Variants in MED1 observed in about 807,000 individuals in gnomAD.
MED1 encodes the protein mediator complex subunit 1.
In MED1, 17 loss-of-function variants were observed where a neutral mutation model predicts 121.3. The ratio of observed to expected loss-of-function variants is 0.14; its 90% CI spans 0.10 to 0.21. The LOEUF is 0.21. Ranked by LOEUF, MED1 falls within the 10% of genes least tolerant of loss-of-function variation. MED1 has a pLI of 1.00. For synonymous variants in MED1, 661 were observed against 694.4 expected, an observed-to-expected ratio of 0.95 and a Z score of 0.76; for missense variants, 1,558 against 1,919.4, an observed-to-expected ratio of 0.81 and a Z score of 3.52.
chr17:39,419,326 T>C (rs2048439333), intron 14 of MED1, among the ~76,000 whole-genome samples: 1 of 152,132 alleles, frequency 6.6e-6, no homozygotes, highest in Non-Finnish European at 1.5e-5. Flanking sequence ...TTTGCCCACC[T>C]TGGCCTCCCA....
chr17:39,449,583 G>C (rs994894070), intron 1 of MED1, among the ~76,000 whole-genome samples: 1 of 149,308 alleles, frequency 6.7e-6, no homozygotes, highest in Non-Finnish European at 1.5e-5. Flanking sequence ...CACTATCTTG[G>C]CTCACTGCAA....
intron 7 of MED1, among the ~76,000 whole-genome samples, chr17:39,432,806 T>G (rs1483097609): frequency 1.3e-5 from 2 of 151,330 alleles, no homozygotes; most frequent in Non-Finnish European, 2.9e-5. Context: ...GGCTCACGCC[T>G]GTAATCCCAA....
intron 9 of MED1, among the ~76,000 whole-genome samples, chr17:39,430,692 T>TAA (rs57515877): frequency 6.8e-5 from 8 of 116,890 alleles, no homozygotes; most frequent in African/African-American, 1.6e-4. Context: ...GACTCCGTCT[T>TAA]AAAAAAAAAA....
At chr17:39,437,177 C>T (rs2048627772) in intron 6 of MED1, among the ~76,000 whole-genome samples, 1 of 152,182 alleles carries the variant, frequency 6.6e-6, no homozygotes, top group African/African-American at 2.4e-5. Flanking sequence ...GGTGATCCGC[C>T]TGCCTCGGCT....
intron 13 of MED1, 73 bp downstream of exon 13, chr17:39,423,254 G>T: frequency 9.1e-7 from 1 of 1,096,374 alleles, no homozygotes; most frequent in Non-Finnish European, 1.4e-6. Context: ...CCTCAATAAT[G>T]CTATAAAGGA....
chr17:39,439,145 T>C lies in MED1; in HGVS notation c.428+20A>G. On this transcript the variant is annotated intron_variant, in intron 6 of 16. Coordinates refer to ENST00000300651, the MANE Select transcript of MED1 (RefSeq NM_004774.4). ...AGCACTGTCTGTCAATATCAAGGAATATAAATCGTATTTGCTCACCTTAGC... is the reference window on the plus strand; with the variant it reads ...AGCACTGTCTGTCAATATCAAGGAACATAAATCGTATTTGCTCACCTTAGC... 1 of 1,590,754 alleles carries C rather than the reference T, an allele frequency of 6.3e-7. No individual in the cohort carries two copies. Among genetic ancestry groups the C allele is most frequent in the Non-Finnish European group, 8.5e-7 (1 of 1,173,224 alleles).
At chr17:39,443,060 G>C in intron 3 of MED1, among the ~76,000 whole-genome samples, 1 of 126,790 alleles carries the variant, frequency 7.9e-6, no homozygotes, top group Non-Finnish European at 1.6e-5. Context: ...GGAGTGTAAT[G>C]GCGTGATTTT....
At chr17:39,429,715 A>AAT (rs1238619204) in intron 9 of MED1, among the ~76,000 whole-genome samples, 3 of 150,350 alleles carry the variant, frequency 2.0e-5, no homozygotes, top group African/African-American at 7.3e-5. Context: ...AAAAAAAAAA[A>AAT]AAAAAAAAAA....
intron 6 of MED1, among the ~76,000 whole-genome samples, chr17:39,434,621 C>T (rs569980121): frequency 6.6e-6 from 1 of 152,280 alleles, no homozygotes; most frequent in South Asian, 2.1e-4. Context: ...AGCAATGAAA[C>T]CTGATTTAAA....
intron 10 of MED1, among the ~76,000 whole-genome samples, chr17:39,425,415 A>C (rs2048505826): frequency 6.6e-6 from 1 of 152,106 alleles, no homozygotes; most frequent in Non-Finnish European, 1.5e-5. Context: ...GCTGGTCTCA[A>C]ACTCCTGGCC....
chr17:39,411,642 G>A (rs1032451411), intron 16 of MED1, among the ~76,000 whole-genome samples: 4 of 151,466 alleles, frequency 2.6e-5, no homozygotes, highest in Non-Finnish European at 4.4e-5. Flanking sequence ...AGAAAATGTC[G>A]TCCTCTGGGG....
At position 39,443,037 on chromosome 17, in the gene MED1, T is replaced by A. The variant is rs2048694738; in HGVS notation, c.211+513A>T. On this transcript the variant is annotated intron_variant, in intron 3 of 16. Coordinates refer to ENST00000300651, the MANE Select transcript of MED1 (RefSeq NM_004774.4). ...TTTTTTTTTGAGACAAGTCTTGCCCTGTTGCCCAGGCTGGAGTGTAATGGC... is the reference window on the plus strand; with the variant it reads ...TTTTTTTTTGAGACAAGTCTTGCCCAGTTGCCCAGGCTGGAGTGTAATGGC... Among the ~76,000 whole-genome samples, 3 of 127,142 alleles carry A rather than the reference T, an allele frequency of 2.4e-5. No homozygotes were observed. The South Asian group carries it at 7.7e-4, about 33-fold the overall frequency. The allele number at this position is 127,142 out of a possible 152,430, so 83.4% of individuals were successfully genotyped here.
chr17:39,432,672 T>G (rs2048576539), intron 7 of MED1, among the ~76,000 whole-genome samples: 2 of 151,502 alleles, frequency 1.3e-5, no homozygotes, highest in South Asian at 4.2e-4. Context: ...GAGAATTGCT[T>G]GAACCCGGGA....
chr17:39,417,788 T>C (rs2048423820), intron 14 of MED1, among the ~76,000 whole-genome samples: 1 of 152,058 alleles, frequency 6.6e-6, no homozygotes, highest in Admixed American at 6.6e-5. Context: ...CAGCCAAAAT[T>C]TACAGCAAAG....
intron 7 of MED1, among the ~76,000 whole-genome samples, chr17:39,433,308 G>A (rs901064025): frequency 5.9e-5 from 9 of 151,674 alleles, no homozygotes; most frequent in African/African-American, 2.2e-4. Flanking sequence ...GGTGGAGGCT[G>A]CAGTGAGCTG....
chr17:39,427,526 T>C (rs186386449), intron 10 of MED1, 175 bp downstream of exon 10: 53 of 509,642 alleles, frequency 1.0e-4, no homozygotes, highest in African/African-American at 9.4e-4. Flanking sequence ...TATATATGCA[T>C]GTGTGTATAT....
In MED1 at chr17:39,408,417, T is replaced by G. The variant is rs1362922513; in HGVS notation, c.3804A>C (p.Ala1268=). 2.5e-6 allele frequency: 4 copies of G among 1,614,112 alleles called. No individual in the cohort carries two copies. Among genetic ancestry groups the G allele is most frequent in the Non-Finnish European group, 3.4e-6 (4 of 1,180,024 alleles). The change falls in exon 17 of 17, where the codon GCA becomes GCC. Residue 1268 remains alanine (A), a synonymous_variant. Transcript: ENST00000300651. The surrounding 1 kb of genome is among the most constrained non-coding windows in gnomAD (Gnocchi z 4.7). ...KTPPSSNSCT[A]SSSSFSSSGS... The stretch of plus-strand genomic sequence containing the variant: ...CACTTGAGGAAAAGGAGGAGGAAGA[T>G]GCCGTACAGGAATTAGATGATGGGG...
chr17:39,426,978 A>G (rs555379846), intron 10 of MED1, among the ~76,000 whole-genome samples: 1 of 152,090 alleles, frequency 6.6e-6, no homozygotes, highest in East Asian at 1.9e-4. Context: ...GACTATTTAC[A>G]TGCACGATCA....
At chr17:39,427,574 T>G in intron 10 of MED1, 127 bp downstream of exon 10, 3 of 626,304 alleles carry the variant, frequency 4.8e-6, no homozygotes, top group Non-Finnish European at 8.6e-6. Context: ...TATACGTGTG[T>G]GAGGTGTTGT....
Sources: allele counts gnomAD v4.1 joint callset (sites outside exome capture counted in the v4.1 genomes callset), GRCh38; gene constraint gnomAD v4.1.1; non-coding constraint Gnocchi (gnomAD v3.1); transcripts MANE v1.5; gene names NCBI Gene and HGNC (gene_info 2026-07-23, HGNC 2026-07-21).